WWOX: variants seen among roughly 807,000 people sequenced by gnomAD.
The protein encoded by WWOX is WW domain containing oxidoreductase.
Under a neutral mutation model 46.2 loss-of-function variants are expected in WWOX, and 69 were observed. That is an observed-to-expected ratio of 1.49 (90% CI 1.23 to 1.82). The LOEUF (loss-of-function observed/expected upper bound fraction) is 1.82. WWOX is among the 40% of genes most tolerant of loss of function. The pLI is 0.00. For synonymous variants in WWOX, 359 were observed against 202.6 expected (o/e 1.77, Z -6.56); for missense variants, 919 against 542.6 (o/e 1.69, Z -6.89).
intron 8 of WWOX, among the ~76,000 whole-genome samples, chr16:78,727,331 G>A (rs527600606): frequency 7.2e-5 from 11 of 152,146 alleles, no homozygotes; most frequent in South Asian, 6.2e-4. Flanking sequence ...CCCGGAAGGC[G>A]GAGGTTTCAG....
At chr16:79,121,837 G>T (rs2049638633) in intron 8 of WWOX, among the ~76,000 whole-genome samples, 1 of 152,040 alleles carries the variant, frequency 6.6e-6, no homozygotes, top group Non-Finnish European at 1.5e-5. Context: ...ACCAAACATT[G>T]GGATATTAAA....
At chr16:78,764,182 A>G (rs2142498275) in intron 8 of WWOX, among the ~76,000 whole-genome samples, 1 of 152,258 alleles carries the variant, frequency 6.6e-6, no homozygotes, top group Non-Finnish European at 1.5e-5. Context: ...ACAGGGTGCC[A>G]TATTGTTCTC....
chr16:78,422,357 C>T (rs1045068494), intron 6 of WWOX, among the ~76,000 whole-genome samples: 5 of 151,028 alleles, frequency 3.3e-5, no homozygotes, highest in African/African-American at 1.2e-4. Flanking sequence ...TGAAAAGTGT[C>T]TTTTTTTTGA....
intron 5 of WWOX, among the ~76,000 whole-genome samples, chr16:78,166,008 A>G (rs774324821): frequency 1.1e-4 from 16 of 151,974 alleles, no homozygotes; most frequent in Non-Finnish European, 1.8e-4. Context: ...ACAAATGGGA[A>G]TACGTGCATC....
intron 5 of WWOX, among the ~76,000 whole-genome samples, chr16:78,250,779 G>T (rs1295598087): frequency 3.3e-5 from 5 of 152,180 alleles, no homozygotes; most frequent in African/African-American, 9.7e-5. Flanking sequence ...GTCCAGTGGT[G>T]GCGGTGGGCT....
intron 8 of WWOX, among the ~76,000 whole-genome samples, chr16:78,732,720 G>T (rs543829313): frequency 3.8e-4 from 58 of 152,026 alleles, no homozygotes; most frequent in African/African-American, 1.4e-3. Context: ...CAACTCCCTT[G>T]GTTAATTTAA....
chr16:78,490,838 C>G (rs2084767001), intron 8 of WWOX, among the ~76,000 whole-genome samples: 1 of 152,198 alleles, frequency 6.6e-6, no homozygotes, highest in Admixed American at 6.5e-5. Context: ...GGAAATGGCT[C>G]CGAGAAGCTC....
chr16:78,192,386 G>A (rs1186494409), intron 5 of WWOX, among the ~76,000 whole-genome samples: 1 of 151,458 alleles, frequency 6.6e-6, no homozygotes, highest in Non-Finnish European at 1.5e-5. Flanking sequence ...AAGCTACTCA[G>A]GAGGCTGAGG....
chr16:78,644,955 C>A (rs901787516), intron 8 of WWOX, among the ~76,000 whole-genome samples: 1 of 152,132 alleles, frequency 6.6e-6, no homozygotes, highest in Non-Finnish European at 1.5e-5. Context: ...GAACTCGTTA[C>A]TATTAGTAAA....
intron 8 of WWOX, among the ~76,000 whole-genome samples, chr16:78,675,097 C>G (rs1052656969): frequency 6.6e-6 from 1 of 152,154 alleles, no homozygotes; most frequent in Non-Finnish European, 1.5e-5. Context: ...AGGCGCTGTG[C>G]TGAATGTTTA....
Position 78,914,824 on chromosome 16 carries a change from A to G in WWOX, c.1057-296784A>G, listed in dbSNP as rs569693651. Among the ~76,000 whole-genome samples, 119 of 143,046 alleles carry G rather than the reference A, an allele frequency of 8.3e-4. 1 individual carries two copies. The South Asian group carries it at 0.027, about 33-fold the overall frequency. The allele number at this position is 143,046 out of a possible 152,430, so 93.8% of individuals were successfully genotyped here. On this transcript the variant is annotated intron_variant, in intron 8 of 8. Coordinates refer to ENST00000566780, the MANE Select transcript of WWOX (RefSeq NM_016373.4). ...AACCCAGGAGGCGGAGCTTGCAGTG[A>G]GCCAGGATCGCGCCACTGCACTCCC... is the stretch of plus-strand genomic sequence containing the variant.
Position 78,776,376 on chromosome 16 carries a change from A to C in WWOX, c.1056+343624A>C, listed in dbSNP as rs115078578. Among the ~76,000 whole-genome samples the C allele has an allele frequency of 5.6e-3, 855 of 152,130 alleles. 4 individuals carry two copies. The highest frequency in any genetic ancestry group is 0.02 in the African/African-American group (821 of 41,496). On this transcript the variant is annotated intron_variant, in intron 8 of 8. Coordinates refer to ENST00000566780, the MANE Select transcript of WWOX (RefSeq NM_016373.4). ...CTGCCTGGAGTCCTGCCTCTGTGAC[A>C]CTTGCTTACTGTGTGACCTGGGTCA...
rs34225165 is a variant in WWOX, at chr16:78,148,897, C to CAAA, written c.410-15260_410-15258dup. Among the ~76,000 whole-genome samples the CAAA allele has an allele frequency of 4.3e-4, 23 of 53,232 alleles. 1 individual carries two copies. Among genetic ancestry groups the CAAA allele is most frequent in the African/African-American group, 5.5e-4 (7 of 12,614 alleles). 34.9% of individuals were successfully genotyped at this position (53,232 alleles called of 152,430 possible). Reference sequence around the variant, plus strand: ...TGGGCGACAGAGCAAGACTCCGTCTCAAAAAAAAAAAAAAAAAAAAAAAAA... The same window carrying CAAA: ...TGGGCGACAGAGCAAGACTCCGTCTCAAAAAAAAAAAAAAAAAAAAAAAAAAAA... On this transcript the variant is annotated intron_variant, in intron 4 of 8. Transcript: ENST00000566780.
intron 8 of WWOX, among the ~76,000 whole-genome samples, chr16:79,068,440 T>G (rs1019565267): frequency 3.3e-5 from 5 of 152,076 alleles, no homozygotes; most frequent in Admixed American, 2.0e-4. Flanking sequence ...CACTCCTTCC[T>G]CCTGAATGCA....
At chr16:78,966,986 A>T (rs868402258) in intron 8 of WWOX, among the ~76,000 whole-genome samples, 16 of 152,284 alleles carry the variant, frequency 1.1e-4, no homozygotes, top group Middle Eastern at 3.4e-3. Flanking sequence ...ATTAACATTT[A>T]TTATTGTCTC....
chr16:78,609,534 C>G (rs914801142), intron 8 of WWOX, among the ~76,000 whole-genome samples: 4 of 144,478 alleles, frequency 2.8e-5, no homozygotes, highest in Admixed American at 2.7e-4. Flanking sequence ...TTTTTTCTTT[C>G]TTTCTTTTCT....
At chr16:78,373,606 G>A (rs2081747580) in intron 5 of WWOX, among the ~76,000 whole-genome samples, 1 of 151,810 alleles carries the variant, frequency 6.6e-6, no homozygotes, top group African/African-American at 2.4e-5. Flanking sequence ...TCTATCTGCA[G>A]TGTATCTTTT....
chr16:78,501,746 A>G (rs2085075035), intron 8 of WWOX, among the ~76,000 whole-genome samples: 1 of 152,144 alleles, frequency 6.6e-6, no homozygotes, highest in Non-Finnish European at 1.5e-5. Context: ...CATGTTGGCC[A>G]GGCTGGTCTC....
chr16:78,149,098 C>A (rs554395551), intron 4 of WWOX, among the ~76,000 whole-genome samples: 113 of 152,068 alleles, frequency 7.4e-4, no homozygotes, highest in Non-Finnish European at 1.3e-3. Flanking sequence ...CTCAAGTGAT[C>A]CTCCTGCCTT....
Sources: gnomAD v4.1 joint callset for allele counts (sites outside exome capture counted in the v4.1 genomes callset) on GRCh38, gnomAD v4.1.1 for gene constraint, MANE v1.5 for transcripts, NCBI Gene and HGNC (gene_info 2026-07-23, HGNC 2026-07-21) for gene names.